Variants in TNFRSF11A observed in about 807,000 individuals in gnomAD.
The protein encoded by TNFRSF11A is tumor necrosis factor receptor superfamily member 11A.
TNFRSF11A carries 32 observed loss-of-function variants against 55.7 expected under a neutral mutation model. The ratio of observed to expected loss-of-function variants is 0.57; its 90% CI spans 0.43 to 0.77. The LOEUF is 0.77. Ranked by LOEUF, TNFRSF11A falls within the 30% of genes least tolerant of loss-of-function variation. The probability of loss-of-function intolerance (pLI) is 0.00; values close to 1 mark genes in which losing one functional copy is unlikely to be tolerated. For missense variants in TNFRSF11A, 753 were observed against 809.8 expected, an observed-to-expected ratio of 0.93 and a Z score of 0.85; for synonymous variants, 311 against 331.0, an observed-to-expected ratio of 0.94 and a Z score of 0.65.
chr18:62,338,627 G>A (rs1388325490), intron 1 of TNFRSF11A, among the ~76,000 whole-genome samples: 1 of 152,180 alleles, frequency 6.6e-6, no homozygotes, highest in Non-Finnish European at 1.5e-5. Flanking sequence ...CAGACTCAGA[G>A]ACAGACAGTA....
chr18:62,332,447 A>G (rs4547437), intron 1 of TNFRSF11A, among the ~76,000 whole-genome samples: 142,488 of 152,224 alleles, frequency 0.94, 66,788 homozygotes, highest in African/African-American at 0.98. Context: ...ATTGAGAATC[A>G]ATTCCATTTT....
chr18:62,382,341 C>A (rs1911353507), intron 9 of TNFRSF11A, among the ~76,000 whole-genome samples: 1 of 151,994 alleles, frequency 6.6e-6, no homozygotes, highest in East Asian at 1.9e-4. Context: ...GAACTCCTGA[C>A]CCCAGGTGAT....
Position 62,358,338 on chromosome 18 carries a change from C to T in TNFRSF11A, c.518C>T (p.Thr173Ile), listed in dbSNP as rs1161044137. The change falls in exon 5 of 10, where the codon ACC (threonine) becomes ATC (isoleucine). Residue 173 changes from threonine (T) to isoleucine (I), a missense_variant. By Grantham distance (89) the Thr-to-Ile change is moderately conservative. Around this residue, in one of 3 missense-constraint regions of TNFRSF11A, gnomAD observed 567 missense variants for 596.7 expected, o/e 0.95. Coordinates refer to ENST00000586569, the MANE Select transcript of TNFRSF11A (RefSeq NM_003839.4). ...FSSTDKCRPW[T>I]NCTFLGKRVE... Reference sequence around the variant, plus strand: ...TCCACGGACAAATGCAGACCCTGGACCAAGTAAGTAACAACAAAGGAGTCA... The same window carrying T: ...TCCACGGACAAATGCAGACCCTGGATCAAGTAAGTAACAACAAAGGAGTCA... 7 of 1,612,608 alleles carry T rather than the reference C, an allele frequency of 4.3e-6. No homozygotes were observed. Among genetic ancestry groups the T allele is most frequent in the Non-Finnish European group, 4.2e-6 (5 of 1,179,370 alleles).
intron 1 of TNFRSF11A, among the ~76,000 whole-genome samples, chr18:62,335,551 G>A (rs1295795583): frequency 2.6e-5 from 4 of 152,214 alleles, no homozygotes; most frequent in African/African-American, 4.8e-5. Flanking sequence ...GTGAGGTCAC[G>A]CAGAAGAGGC....
chr18:62,363,692 C>T (rs908167730), intron 7 of TNFRSF11A, among the ~76,000 whole-genome samples: 1 of 152,128 alleles, frequency 6.6e-6, no homozygotes, highest in Admixed American at 6.6e-5. Context: ...CTTAAAGAGT[C>T]TGTTCATTGT....
intron 8 of TNFRSF11A, among the ~76,000 whole-genome samples, chr18:62,367,788 C>CTTTTTTTTTTTTTTTTTTTT (rs67721371): frequency 1.5e-4 from 12 of 78,672 alleles, no homozygotes; most frequent in African/African-American, 3.0e-4. Context: ...TCTTCTTCTT[C>CTTTTTTTTTTTTTTTTTTTT]TTTTTTTTTT....
intron 1 of TNFRSF11A, among the ~76,000 whole-genome samples, chr18:62,342,653 G>C (rs2046331070): frequency 6.6e-6 from 1 of 152,130 alleles, no homozygotes; most frequent in Non-Finnish European, 1.5e-5. Context: ...AATTTAGCTG[G>C]AGAAAGCAGC....
At chr18:62,367,628 A>AT (rs1441925809) in intron 8 of TNFRSF11A, among the ~76,000 whole-genome samples, 2 of 152,142 alleles carry the variant, frequency 1.3e-5, no homozygotes, top group African/African-American at 4.8e-5. Flanking sequence ...TTCAGTGTGT[A>AT]TTTAAGAACA....
chr18:62,384,652 C>T (rs1316370379), intron 9 of TNFRSF11A, 99 bp from the exon 10 acceptor site: 1 of 1,452,274 alleles, frequency 6.9e-7, no homozygotes, highest in East Asian at 2.5e-5. Context: ...TGTGGGAATC[C>T]GGGGAGCCGC....
chr18:62,379,044 G>C (rs967030908), intron 9 of TNFRSF11A, among the ~76,000 whole-genome samples: 4 of 152,148 alleles, frequency 2.6e-5, no homozygotes, highest in African/African-American at 9.6e-5. Flanking sequence ...CTGTTTGGCA[G>C]TTTTCATCCT....
chr18:62,326,266 C>G (rs932223389), intron 1 of TNFRSF11A, among the ~76,000 whole-genome samples: 4 of 152,216 alleles, frequency 2.6e-5, no homozygotes, highest in African/African-American at 9.7e-5. Context: ...CTGCTGCCGT[C>G]CCTCCGCAGC....
Position 62,325,448 on chromosome 18 carries a change from C to A in TNFRSF11A, c.75+21C>A. ...TGCAGGTAAGGAGCGCCCGCGCCTGCCGGGCCGCGCGGCCCGACGCCTCCT... is the reference window on the plus strand; with the variant it reads ...TGCAGGTAAGGAGCGCCCGCGCCTGACGGGCCGCGCGGCCCGACGCCTCCT... On this transcript the variant is annotated intron_variant, in intron 1 of 9. Coordinates refer to ENST00000586569, the MANE Select transcript of TNFRSF11A (RefSeq NM_003839.4). The surrounding 1 kb of genome is among the most constrained non-coding windows in gnomAD (Gnocchi z 4.7). The A allele has an allele frequency of 8.0e-7, 1 of 1,249,622 alleles. No homozygotes were observed. The highest frequency in any genetic ancestry group is 1.8e-5 in the South Asian group (1 of 54,542). 77.4% of individuals were successfully genotyped at this position (1,249,622 alleles called of 1,614,324 possible). A position where few individuals can be genotyped will look rare whatever the true frequency, so the allele number is the denominator to read the frequency against.
chr18:62,329,188 T>A (rs1352770966), intron 1 of TNFRSF11A, among the ~76,000 whole-genome samples: 1 of 152,216 alleles, frequency 6.6e-6, no homozygotes, highest in Non-Finnish European at 1.5e-5. Flanking sequence ...GTCTAGGCCA[T>A]TTTTTGGTTT....
chr18:62,369,561 A>G, intron 9 of TNFRSF11A, 77 bp downstream of exon 9: 3 of 1,561,192 alleles, frequency 1.9e-6, no homozygotes, highest in Admixed American at 3.4e-5. Context: ...AGGTATTACC[A>G]TTTAGGAAGG....
rs1911913374 is a variant in TNFRSF11A, at chr18:62,389,489, TC to T, written c.*4460del. 1 of 152,096 alleles carries T rather than the reference TC, an allele frequency of 6.6e-6. No homozygotes were observed. The highest frequency in any genetic ancestry group is 1.9e-4 in the East Asian group (1 of 5,182). 9.4% of individuals were successfully genotyped at this position (152,096 alleles called of 1,614,324 possible). ...CCTACTGCGGCAAAACAATCCTATGTCCCCCAAGGTTTCAACAAAGAGGAGG... is the reference window on the plus strand; with the variant it reads ...CCTACTGCGGCAAAACAATCCTATGTCCCCAAGGTTTCAACAAAGAGGAGG... On this transcript the variant is annotated 3_prime_UTR_variant, in exon 10 of 10. Transcript: ENST00000586569.
chr18:62,325,688 C>G lies in TNFRSF11A; in HGVS notation c.75+261C>G, dbSNP rs1291785666. On this transcript the variant is annotated intron_variant, in intron 1 of 9. Coordinates refer to ENST00000586569, the MANE Select transcript of TNFRSF11A (RefSeq NM_003839.4). The surrounding 1 kb of genome is among the most constrained non-coding windows in gnomAD (Gnocchi z 4.7). ...ACCCGAAACGGGCTCTTCCAAAAGC[C>G]CCTCTTAGCCGCAGGCTTTGATGCT... 6.6e-5 allele frequency among the ~76,000 whole-genome samples: 10 copies of G among 152,190 alleles called. No homozygotes were observed. Among genetic ancestry groups the G allele is most frequent in the Non-Finnish European group, 1.5e-5 (1 of 68,030 alleles).
At chr18:62,349,717 C>T (rs2046437011) in intron 2 of TNFRSF11A, 95 bp from the exon 3 acceptor site, 5 of 1,443,400 alleles carry the variant, frequency 3.5e-6, no homozygotes, top group Non-Finnish European at 4.8e-6. Context: ...TTATTGGTCC[C>T]ATAGATGGGT....
At chr18:62,372,697 T>A (rs1247527924) in intron 9 of TNFRSF11A, among the ~76,000 whole-genome samples, 1 of 152,214 alleles carries the variant, frequency 6.6e-6, no homozygotes, top group East Asian at 1.9e-4. Context: ...GTGTCTATTG[T>A]TGCCTTCTTT....
intron 5 of TNFRSF11A, among the ~76,000 whole-genome samples, chr18:62,358,777 T>C (rs1909458635): frequency 6.6e-6 from 1 of 152,240 alleles, no homozygotes; most frequent in Non-Finnish European, 1.5e-5. Flanking sequence ...TTTTTTCACA[T>C]ATTATATCCT....
Sources: allele counts gnomAD v4.1 joint callset (sites outside exome capture counted in the v4.1 genomes callset), GRCh38; gene constraint gnomAD v4.1.1; regional missense constraint gnomAD v4.1.1; non-coding constraint Gnocchi (gnomAD v3.1); transcripts MANE v1.5; gene names NCBI Gene and HGNC (gene_info 2026-07-23, HGNC 2026-07-21).